The following AGAP1 variants were observed in gnomAD, a reference collection of about 807,000 sequenced individuals.
The protein encoded by AGAP1 is arf-GAP with GTPase, ANK repeat and PH domain-containing protein 1.
Under a neutral mutation model 105.3 loss-of-function variants are expected in AGAP1, and 29 were observed. That is an observed-to-expected ratio of 0.28 (90% CI 0.21 to 0.38). The LOEUF is 0.38. Among genes scored for constraint, AGAP1 ranks in the 10% least tolerant of loss-of-function variants. AGAP1 has a pLI of 1.00. For missense variants in AGAP1, 998 were observed against 1,165.1 expected, an observed-to-expected ratio of 0.86 and a Z score of 2.09; for synonymous variants, 509 against 485.9, an observed-to-expected ratio of 1.05 and a Z score of -0.63.
intron 11 of AGAP1, among the ~76,000 whole-genome samples, chr2:235,921,112 A>G (rs1261319242): frequency 6.6e-6 from 1 of 152,218 alleles, no homozygotes; most frequent in African/African-American, 2.4e-5. Context: ...CGCTGCTGAG[A>G]ATTTCTTCTA....
rs13014105 is a variant in AGAP1, at chr2:235,994,033, G to C, written c.1645+25410G>C. Reference sequence around the variant, plus strand: ...GATGACCCATAAGCCTGCTCCACAGGATGGCTGTAGCACAGACACCTTCCC... The same window carrying C: ...GATGACCCATAAGCCTGCTCCACAGCATGGCTGTAGCACAGACACCTTCCC... On this transcript the variant is annotated intron_variant, in intron 13 of 17. Transcript: ENST00000304032. This position sits in a 1 kb window ranked among gnomAD's most constrained non-coding sequence, Gnocchi z 4.4. 0.54 allele frequency among the ~76,000 whole-genome samples: 81,707 copies of C among 151,902 alleles called. 22,098 individuals carry two copies. Among genetic ancestry groups the C allele is most frequent in the South Asian group, 0.68 (3,260 of 4,802 alleles).
chr2:235,892,147 C>T (rs2050576219), intron 10 of AGAP1, among the ~76,000 whole-genome samples: 2 of 148,676 alleles, frequency 1.3e-5, no homozygotes, highest in African/African-American at 5.1e-5. Context: ...GTGAGACTCC[C>T]ATCTCAAAAA....
rs542491573 is a variant in AGAP1, at chr2:236,114,973, G to A, written c.2115-5219G>A. 6.6e-6 allele frequency among the ~76,000 whole-genome samples: 1 copy of A among 152,214 alleles called. No homozygotes were observed. The highest frequency in any genetic ancestry group is 2.1e-4 in the South Asian group (1 of 4,808). On this transcript the variant is annotated intron_variant, in intron 16 of 17. Coordinates refer to ENST00000304032, the MANE Select transcript of AGAP1 (RefSeq NM_001037131.3). This position sits in a 1 kb window ranked among gnomAD's most constrained non-coding sequence, Gnocchi z 5.0. ...GTCTCAGGATCCTCTGCACCCTCGGGGGAGCTCACAAGATGCCAGCAGGCT... is the reference window on the plus strand; with the variant it reads ...GTCTCAGGATCCTCTGCACCCTCGGAGGAGCTCACAAGATGCCAGCAGGCT...
intron 2 of AGAP1, among the ~76,000 whole-genome samples, chr2:235,709,607 C>T (rs1265704673): frequency 6.6e-6 from 1 of 151,974 alleles, no homozygotes; most frequent in African/African-American, 2.4e-5. Flanking sequence ...CACACACCCC[C>T]ATGGATTGAT....
rs192937426 is a variant in AGAP1, at chr2:235,601,277, G to T, written c.163+106428G>T. On this transcript the variant is annotated intron_variant, in intron 1 of 17. Coordinates refer to ENST00000304032, the MANE Select transcript of AGAP1 (RefSeq NM_001037131.3). The surrounding 1 kb of genome is among the most constrained non-coding windows in gnomAD (Gnocchi z 4.4). ...TACTGTGTCCTCTCTGTGCTTGGGG[G>T]TGGGGAGAGAGGCGAGAAGGGAAGG... 1.3e-5 allele frequency among the ~76,000 whole-genome samples: 2 copies of T among 152,208 alleles called. No homozygotes were observed. The highest frequency in any genetic ancestry group is 4.8e-5 in the African/African-American group (2 of 41,452).
rs1040030137 is a variant in AGAP1 at position 236,000,309 on chromosome 2, G to C, written c.1645+31686G>C. 4.6e-5 allele frequency among the ~76,000 whole-genome samples: 7 copies of C among 152,166 alleles called. No individual in the cohort carries two copies. Among genetic ancestry groups the C allele is most frequent in the Non-Finnish European group, 1.0e-4 (7 of 68,036 alleles). On this transcript the variant is annotated intron_variant, in intron 13 of 17. Coordinates refer to ENST00000304032, the MANE Select transcript of AGAP1 (RefSeq NM_001037131.3). This position sits in a 1 kb window ranked among gnomAD's most constrained non-coding sequence, Gnocchi z 4.3. ...CTTATCAGCATCATAATGAAACAACGTGGGAGGAAACAAAGTTATTTGAGG... is the reference window on the plus strand; with the variant it reads ...CTTATCAGCATCATAATGAAACAACCTGGGAGGAAACAAAGTTATTTGAGG...
chr2:235,987,108 G>GTTATTTAT (rs59663970), intron 13 of AGAP1, among the ~76,000 whole-genome samples: 15,813 of 147,640 alleles, frequency 0.11, 908 homozygotes, highest in African/African-American at 0.14. Flanking sequence ...GCTTTTTATT[G>GTTATTTAT]TTATTTATTT....
At chr2:235,804,379 A>G (rs982489580) in intron 8 of AGAP1, among the ~76,000 whole-genome samples, 3 of 152,266 alleles carry the variant, frequency 2.0e-5, no homozygotes, top group South Asian at 2.1e-4. Context: ...GTGAATATAC[A>G]TTGCCCAGCT....
chr2:235,850,041 G>A (rs566973408), intron 9 of AGAP1, among the ~76,000 whole-genome samples: 28 of 152,344 alleles, frequency 1.8e-4, no homozygotes, highest in African/African-American at 6.5e-4. Flanking sequence ...CTCCTGAGCA[G>A]GTCTGGCCTG....
intron 16 of AGAP1, among the ~76,000 whole-genome samples, chr2:236,100,518 T>A (rs2059320148): frequency 6.6e-6 from 1 of 152,138 alleles, no homozygotes; most frequent in Non-Finnish European, 1.5e-5. Flanking sequence ...ATATTTTTAT[T>A]GTTTTTCAGG....
rs1284475873 is a variant in AGAP1 at position 235,752,343 on chromosome 2, A to G, written c.673+1855A>G. Among the ~76,000 whole-genome samples the G allele has an allele frequency of 6.6e-6, 1 of 151,758 alleles. No individual in the cohort carries two copies. The highest frequency in any genetic ancestry group is 2.4e-5 in the African/African-American group (1 of 41,104). On this transcript the variant is annotated intron_variant, in intron 6 of 17. Transcript: ENST00000304032. The surrounding 1 kb of genome is among the most constrained non-coding windows in gnomAD (Gnocchi z 4.3). ...CAGGTACACGCTGCCACACCTGGCT[A>G]ATTTTTTGCATTTTAGTAGAGATGG...
In AGAP1 at chr2:235,550,399, T is replaced by C. The variant is rs574089612; in HGVS notation, c.163+55550T>C. On this transcript the variant is annotated intron_variant, in intron 1 of 17. Coordinates refer to ENST00000304032, the MANE Select transcript of AGAP1 (RefSeq NM_001037131.3). This position sits in a 1 kb window ranked among gnomAD's most constrained non-coding sequence, Gnocchi z 4.6. ...AGTGACTTCTCATAGCTGTTCGTCATTGGGAGTCACTGAGCATGCACACGG... is the reference window on the plus strand; with the variant it reads ...AGTGACTTCTCATAGCTGTTCGTCACTGGGAGTCACTGAGCATGCACACGG... 6.6e-6 allele frequency among the ~76,000 whole-genome samples: 1 copy of C among 152,302 alleles called. No homozygotes were observed. Among genetic ancestry groups the C allele is most frequent in the African/African-American group, 2.4e-5 (1 of 41,568 alleles).
At position 236,058,324 on chromosome 2, in the gene AGAP1, A is replaced by G. The variant is rs965812375; in HGVS notation, c.2114+9043A>G. 6.6e-6 allele frequency among the ~76,000 whole-genome samples: 1 copy of G among 152,150 alleles called. No homozygotes were observed. Among genetic ancestry groups the G allele is most frequent in the Non-Finnish European group, 1.5e-5 (1 of 68,042 alleles). The stretch of plus-strand genomic sequence containing the variant: ...TGTTGTCTGGCTTAGCATATCCAGT[A>G]TATCCCAGCAGATGTTACAGCCAGA... On this transcript the variant is annotated intron_variant, in intron 16 of 17. Coordinates refer to ENST00000304032, the MANE Select transcript of AGAP1 (RefSeq NM_001037131.3). This position sits in a 1 kb window ranked among gnomAD's most constrained non-coding sequence, Gnocchi z 4.6.
chr2:235,588,830 AC>A (rs1945220739), intron 1 of AGAP1, among the ~76,000 whole-genome samples: 1 of 152,140 alleles, frequency 6.6e-6, no homozygotes, highest in South Asian at 2.1e-4. Context: ...TTTACCCAGC[AC>A]GTTGGGGATT....
Position 235,908,690 on chromosome 2 carries a change from GTCT to G in AGAP1, c.1156-46_1156-44del. The G allele has an allele frequency of 7.3e-7, 1 of 1,371,424 alleles. No homozygotes were observed. Among genetic ancestry groups the G allele is most frequent in the Non-Finnish European group, 9.9e-7 (1 of 1,007,100 alleles). 85.0% of individuals were successfully genotyped at this position (1,371,424 alleles called of 1,614,324 possible). A position where few individuals can be genotyped will look rare whatever the true frequency, so the allele number is the denominator to read the frequency against. On this transcript the variant is annotated intron_variant, in intron 10 of 17. Coordinates refer to ENST00000304032, the MANE Select transcript of AGAP1 (RefSeq NM_001037131.3). This position sits in a 1 kb window ranked among gnomAD's most constrained non-coding sequence, Gnocchi z 4.4. ...ACCCTTTTGTTCTAGGTTGTAAAAG[GTCT>G]TTTTTTTTTTTTTATCTCTCTTGGA...
rs147352715 is a variant in AGAP1, at chr2:235,938,858, G to A, written c.1483+7935G>A. ...GGCCGGAGGACCCTCTCAGGAAGGC[G>A]TCGTCCAATGGCTGCCCATTATATT... On this transcript the variant is annotated intron_variant, in intron 12 of 17. Coordinates refer to ENST00000304032, the MANE Select transcript of AGAP1 (RefSeq NM_001037131.3). Among the ~76,000 whole-genome samples the A allele has an allele frequency of 5.3e-3, 814 of 152,266 alleles. 8 individuals carry two copies. Among genetic ancestry groups the A allele is most frequent in the African/African-American group, 0.018 (768 of 41,542 alleles).
chr2:235,620,153 G>A lies in AGAP1; in HGVS notation c.164-89026G>A, dbSNP rs1946430347. 6.6e-6 allele frequency among the ~76,000 whole-genome samples: 1 copy of A among 152,164 alleles called. No individual in the cohort carries two copies. Among genetic ancestry groups the A allele is most frequent in the African/African-American group, 2.4e-5 (1 of 41,446 alleles). ...TCTTCTCCTGCCGGGCATGGATGCT[G>A]ACAATAGAACTACTTTCCAGAAATC... On this transcript the variant is annotated intron_variant, in intron 1 of 17. Transcript: ENST00000304032. This position sits in a 1 kb window ranked among gnomAD's most constrained non-coding sequence, Gnocchi z 4.5.
Position 235,526,521 on chromosome 2 carries a change from G to C in AGAP1, c.163+31672G>C, listed in dbSNP as rs551482204. Among the ~76,000 whole-genome samples, 10 of 152,276 alleles carry C rather than the reference G, an allele frequency of 6.6e-5. No individual in the cohort carries two copies. In the South Asian group the frequency reaches 2.1e-3, roughly 32 times the overall value. ...AGCAGGAAAATCATTTGAAATTATA[G>C]ACTATCCCTCTTGAAATCTCATTAC... On this transcript the variant is annotated intron_variant, in intron 1 of 17. Coordinates refer to ENST00000304032, the MANE Select transcript of AGAP1 (RefSeq NM_001037131.3).
In AGAP1 at chr2:235,787,051, A is replaced by G. The variant is rs1956685548; in HGVS notation, c.674-10708A>G. ...ACACCAGCTCCTGCCACTCTGACAC[A>G]TACTTAGGCAGTGCTCAGAGTCGAG... On this transcript the variant is annotated intron_variant, in intron 6 of 17. Transcript: ENST00000304032. This position sits in a 1 kb window ranked among gnomAD's most constrained non-coding sequence, Gnocchi z 4.4. Among the ~76,000 whole-genome samples, 2 of 152,210 alleles carry G rather than the reference A, an allele frequency of 1.3e-5. No individual in the cohort carries two copies.
Sources: gnomAD v4.1 joint callset for allele counts (sites outside exome capture counted in the v4.1 genomes callset) on GRCh38, gnomAD v4.1.1 for gene constraint, Gnocchi (gnomAD v3.1) non-coding constraint, MANE v1.5 for transcripts, NCBI Gene and HGNC (gene_info 2026-07-23, HGNC 2026-07-21) for gene names.